CDH8: variants seen among roughly 807,000 people sequenced by gnomAD.
CDH8 encodes cadherin-8.
Under a neutral mutation model 68.1 loss-of-function variants are expected in CDH8, and 17 were observed. The ratio of observed to expected loss-of-function variants is 0.25; its 90% CI spans 0.17 to 0.37. The LOEUF (loss-of-function observed/expected upper bound fraction) is 0.37. Ranked by LOEUF, CDH8 falls within the 10% of genes least tolerant of loss-of-function variation. The probability of loss-of-function intolerance (pLI) is 1.00; values close to 1 mark genes in which losing one functional copy is unlikely to be tolerated. For missense variants in CDH8, 763 were observed against 999.3 expected, an observed-to-expected ratio of 0.76 and a Z score of 3.19; for synonymous variants, 372 against 365.1, an observed-to-expected ratio of 1.02 and a Z score of -0.21.
chr16:61,878,119 G>A (rs762887114), intron 3 of CDH8, among the ~76,000 whole-genome samples: 5 of 152,202 alleles, frequency 3.3e-5, no homozygotes, highest in Admixed American at 6.5e-5. Flanking sequence ...TGGCTGTTAA[G>A]TGTTAGAGAA....
intron 2 of CDH8, among the ~76,000 whole-genome samples, chr16:61,934,483 G>A: frequency 6.6e-6 from 1 of 152,110 alleles, no homozygotes. Context: ...AACATGGGTT[G>A]TATGTCACCC....
At chr16:62,034,179 T>C (rs1839969934) in intron 1 of CDH8, among the ~76,000 whole-genome samples, 1 of 132,052 alleles carries the variant, frequency 7.6e-6, no homozygotes, top group Non-Finnish European at 1.6e-5. Flanking sequence ...CTCATATATA[T>C]ATCTCTCTCT....
intron 10 of CDH8, among the ~76,000 whole-genome samples, chr16:61,709,344 T>C (rs1482071218): frequency 2.0e-5 from 3 of 152,056 alleles, no homozygotes; most frequent in African/African-American, 7.2e-5. Flanking sequence ...ACAGAATGAC[T>C]CTGTCTGCCT....
intron 10 of CDH8, chr16:61,693,282 A>G (rs1041995482): frequency 1.3e-5 from 2 of 152,172 alleles, no homozygotes; most frequent in African/African-American, 4.8e-5. Context: ...TGACCCATGG[A>G]GCAAATCTAG....
chr16:61,726,270 C>G (rs1445531247), intron 9 of CDH8: 2 of 150,870 alleles, frequency 1.3e-5, no homozygotes, highest in Admixed American at 6.6e-5. Context: ...ACATACAGTA[C>G]TTTGGTACCT....
At chr16:61,665,318 G>A (rs933516439) in intron 10 of CDH8, among the ~76,000 whole-genome samples, 7 of 151,730 alleles carry the variant, frequency 4.6e-5, no homozygotes. Context: ...AAGAAAGTGT[G>A]GCACATATAC....
At chr16:62,025,533 G>A (rs1902179014) in intron 1 of CDH8, among the ~76,000 whole-genome samples, 1 of 152,038 alleles carries the variant, frequency 6.6e-6, no homozygotes, top group Admixed American at 6.6e-5. Flanking sequence ...ATAGCCCCGG[G>A]GAGAAATTAG....
chr16:61,707,387 G>C (rs538495023), intron 10 of CDH8, among the ~76,000 whole-genome samples: 2 of 152,122 alleles, frequency 1.3e-5, no homozygotes, highest in Admixed American at 1.3e-4. Flanking sequence ...TTACCTTGCA[G>C]GTTCCCATAG....
At chr16:61,792,037 C>T (rs1451754440) in intron 7 of CDH8, among the ~76,000 whole-genome samples, 1 of 151,892 alleles carries the variant, frequency 6.6e-6, no homozygotes, top group Non-Finnish European at 1.5e-5. Context: ...CTTCATCTCC[C>T]ATTAAATGAT....
chr16:61,903,230 G>A (rs1964007812), intron 2 of CDH8, among the ~76,000 whole-genome samples: 1 of 152,184 alleles, frequency 6.6e-6, no homozygotes, highest in Non-Finnish European at 1.5e-5. Flanking sequence ...ATTATTAAAT[G>A]ATATTACAAT....
chr16:61,782,396 C>T (rs373258351), intron 8 of CDH8, among the ~76,000 whole-genome samples: 8 of 151,384 alleles, frequency 5.3e-5, no homozygotes, highest in East Asian at 1.9e-4. Context: ...TAAAAAACGG[C>T]GCACCACGAG....
chr16:61,774,185 G>A (rs1960849839), intron 8 of CDH8, among the ~76,000 whole-genome samples: 1 of 152,000 alleles, frequency 6.6e-6, no homozygotes, highest in South Asian at 2.1e-4. Flanking sequence ...GTTGGGTAAT[G>A]AAGTGTGGGC....
intron 2 of CDH8, among the ~76,000 whole-genome samples, chr16:61,935,396 G>C (rs1964612106): frequency 6.6e-6 from 1 of 152,114 alleles, no homozygotes; most frequent in Admixed American, 6.5e-5. Context: ...CTGAGTGGAG[G>C]AATTTAGAAA....
chr16:61,710,595 C>A (rs748960993), intron 10 of CDH8, among the ~76,000 whole-genome samples: 10 of 151,990 alleles, frequency 6.6e-5, no homozygotes, highest in Non-Finnish European at 1.3e-4. Context: ...AAATCCAGGT[C>A]CCCTGTCTAT....
chr16:61,763,528 A>G (rs1960517856), intron 8 of CDH8, among the ~76,000 whole-genome samples: 1 of 152,146 alleles, frequency 6.6e-6, no homozygotes, highest in Non-Finnish European at 1.5e-5. Flanking sequence ...GTTGGGAGCT[A>G]GAGTTGAATG....
At chr16:61,992,054 G>GTGTGTGTGTGTGTGTT (rs1965732820) in intron 2 of CDH8, among the ~76,000 whole-genome samples, 2 of 134,732 alleles carry the variant, frequency 1.5e-5, no homozygotes, top group African/African-American at 5.3e-5. Flanking sequence ...AAATCTTTGT[G>GTGTGTGTGTGTGTGTT]TGTGTGTGTG....
At chr16:61,898,671 T>A (rs999631682) in intron 3 of CDH8, among the ~76,000 whole-genome samples, 2 of 152,160 alleles carry the variant, frequency 1.3e-5, no homozygotes, top group African/African-American at 4.8e-5. Context: ...CATTAAGATA[T>A]GATTTTGGAG....
At chr16:61,822,678 T>G in intron 5 of CDH8, among the ~76,000 whole-genome samples, 1 of 151,940 alleles carries the variant, frequency 6.6e-6, no homozygotes, top group East Asian at 1.9e-4. Flanking sequence ...CTGAAAATCC[T>G]CACTGCAAGC....
chr16:62,019,316 A>G (rs1902017065), intron 2 of CDH8, among the ~76,000 whole-genome samples: 1 of 152,216 alleles, frequency 6.6e-6, no homozygotes, highest in Admixed American at 6.5e-5. Context: ...TGGGTGAAAT[A>G]ATGGCCACTG....
Sources: allele counts gnomAD v4.1 joint callset (sites outside exome capture counted in the v4.1 genomes callset), GRCh38; gene constraint gnomAD v4.1.1; transcripts MANE v1.5; gene names NCBI Gene and HGNC (gene_info 2026-07-23, HGNC 2026-07-21).